FHDC1: variants seen among roughly 807,000 people sequenced by gnomAD.
FHDC1 encodes the protein FH2 domain-containing protein 1.
Under a neutral mutation model 52.6 loss-of-function variants are expected in FHDC1, and 25 were observed. That is an observed-to-expected ratio of 0.48 (90% CI 0.35 to 0.66). The LOEUF is 0.66. Among genes scored for constraint, FHDC1 ranks in the 30% least tolerant of loss-of-function variants. FHDC1 has a pLI of 0.01. For synonymous variants in FHDC1, 616 were observed against 581.5 expected (o/e 1.06, Z -0.85); for missense variants, 1,459 against 1,452.8 (o/e 1.00, Z -0.07).
At chr4:152,946,973 C>A (rs1371378838) in intron 2 of FHDC1, among the ~76,000 whole-genome samples, 1 of 152,126 alleles carries the variant, frequency 6.6e-6, no homozygotes, top group East Asian at 1.9e-4. Context: ...AATCCCAGCA[C>A]TGTGGGAGGT....
chr4:152,920,229 G>C, the FHDC1 span, among the ~76,000 whole-genome samples: 1 of 152,002 alleles, frequency 6.6e-6, no homozygotes, highest in Admixed American at 6.5e-5. Flanking sequence ...TTACATGCGT[G>C]AGCCACTGCA....
chr4:152,915,163 C>T, the FHDC1 span, among the ~76,000 whole-genome samples: 7 of 152,158 alleles, frequency 4.6e-5, no homozygotes, highest in African/African-American at 1.7e-4. Context: ...TATGACTAGA[C>T]ATTCAGCTCT....
intron 2 of FHDC1, among the ~76,000 whole-genome samples, chr4:152,950,277 C>T (rs1739884807): frequency 6.6e-6 from 1 of 152,152 alleles, no homozygotes; most frequent in Non-Finnish European, 1.5e-5. Context: ...AGTGATAACC[C>T]TCTTTAAAGG....
chr4:152,968,411 C>T (rs898771185), intron 10 of FHDC1, among the ~76,000 whole-genome samples: 7 of 151,756 alleles, frequency 4.6e-5, no homozygotes, highest in Non-Finnish European at 1.0e-4. Context: ...CTGCAACCTC[C>T]GCCTCCCTAG....
At chr4:152,957,681 G>A (rs1390904755) in intron 4 of FHDC1, among the ~76,000 whole-genome samples, 1 of 152,168 alleles carries the variant, frequency 6.6e-6, no homozygotes, top group Non-Finnish European at 1.5e-5. Flanking sequence ...TCAGCATGCT[G>A]AAAGATATAA....
At chr4:152,926,062 G>A in the FHDC1 span, among the ~76,000 whole-genome samples, 4 of 151,980 alleles carry the variant, frequency 2.6e-5, no homozygotes, top group African/African-American at 9.7e-5. Flanking sequence ...TTTTCTTTAA[G>A]GAATGCCTGT....
chr4:152,967,254 C>T (rs35953946), intron 9 of FHDC1, among the ~76,000 whole-genome samples: 16,531 of 152,174 alleles, frequency 0.11, 1,205 homozygotes, highest in Middle Eastern at 0.18. Context: ...GGCGAAACCC[C>T]GTCTCCACTA....
chr4:152,917,737 G>C, the FHDC1 span, among the ~76,000 whole-genome samples: 1 of 152,220 alleles, frequency 6.6e-6, no homozygotes, highest in South Asian at 2.1e-4. Flanking sequence ...TGACTGGTCA[G>C]CTTGCCTGTG....
chr4:152,974,881 C>T lies in FHDC1; in HGVS notation c.1590C>T (p.Ser530=). Residue 530 remains serine, a synonymous_variant, in exon 12 of 12, where the codon TCC becomes TCT. Coordinates refer to ENST00000511601, the MANE Select transcript of FHDC1 (RefSeq NM_001371116.1). ...HPRPISPSSP[S]YRPPNTRRSR... ...GGCCCATCAGCCCCTCCAGCCCCTC[C>T]TACCGGCCCCCGAACACCCGCCGCT... 1 of 1,607,856 alleles carries T rather than the reference C, an allele frequency of 6.2e-7. No individual in the cohort carries two copies. The highest frequency in any genetic ancestry group is 8.5e-7 in the Non-Finnish European group (1 of 1,178,028).
Position 152,975,941 on chromosome 4 carries a change from CA to C in FHDC1, c.2651del (p.Gln884ArgfsTer11), listed in dbSNP as rs1213362755. On this transcript the variant is annotated frameshift_variant, in exon 12 of 12. Coordinates refer to ENST00000511601, the MANE Select transcript of FHDC1 (RefSeq NM_001371116.1). LOFTEE classifies it low-confidence loss of function (END_TRUNC). The stretch of plus-strand genomic sequence containing the variant: ...CAAGCCCGGGAGCGCCCGGCGGAGC[CA>C]GGGGGCAGTGGCCAAGTCTGTGCGG... ...ASKPGSARRS[Q>X]GAVAKSVRTL... The C allele has an allele frequency of 3.3e-6, 5 of 1,514,358 alleles. No homozygotes were observed. The highest frequency in any genetic ancestry group is 8.8e-7 in the Non-Finnish European group (1 of 1,133,756). 93.8% of individuals were successfully genotyped at this position (1,514,358 alleles called of 1,614,324 possible).
chr4:152,952,534 C>T (rs914786657), intron 2 of FHDC1, among the ~76,000 whole-genome samples: 1 of 152,038 alleles, frequency 6.6e-6, no homozygotes, highest in Non-Finnish European at 1.5e-5. Flanking sequence ...AACAATACAA[C>T]AATAAAAAAT....
Position 152,979,299 on chromosome 4 carries a change from C to G in FHDC1, c.*2576C>G, listed in dbSNP as rs1340978268. The G allele has an allele frequency of 1.3e-5, 2 of 152,308 alleles. No homozygotes were observed. Among genetic ancestry groups the G allele is most frequent in the Admixed American group, 6.5e-5 (1 of 15,280 alleles). The allele number at this position is 152,308 out of a possible 1,614,324, so 9.4% of individuals were successfully genotyped here. On this transcript the variant is annotated 3_prime_UTR_variant, in exon 12 of 12. Coordinates refer to ENST00000511601, the MANE Select transcript of FHDC1 (RefSeq NM_001371116.1). ...TCCAAGTCAGGTCAATCAGCAAGGACCCATCTCTGCCCTGGGTCAGCTCCT... is the reference window on the plus strand; with the variant it reads ...TCCAAGTCAGGTCAATCAGCAAGGAGCCATCTCTGCCCTGGGTCAGCTCCT...
At chr4:152,913,672 CATTT>C in the FHDC1 span, among the ~76,000 whole-genome samples, 4 of 151,892 alleles carry the variant, frequency 2.6e-5, no homozygotes, top group Non-Finnish European at 2.9e-5. Context: ...TTTGATCACT[CATTT>C]ATTTATTTAT....
chr4:152,976,833 GGTGCCACTGCTA>G lies in FHDC1; in HGVS notation c.*114_*125del. On this transcript the variant is annotated 3_prime_UTR_variant, in exon 12 of 12. Transcript: ENST00000511601. ...CTTTGTTACAGATAAAGCAGCCACT[GGTGCCACTGCTA>G]GTGACGCTGTTGGGATGGCACAGTC... 1 of 1,353,498 alleles carries G rather than the reference GGTGCCACTGCTA, an allele frequency of 7.4e-7. No homozygotes were observed. Among genetic ancestry groups the G allele is most frequent in the Non-Finnish European group, 9.8e-7 (1 of 1,023,298 alleles). 83.8% of individuals were successfully genotyped at this position (1,353,498 alleles called of 1,614,324 possible).
intron 9 of FHDC1, among the ~76,000 whole-genome samples, chr4:152,966,770 G>A (rs1473934627): frequency 6.6e-6 from 1 of 152,050 alleles, no homozygotes; most frequent in Non-Finnish European, 1.5e-5. Context: ...CCCACATTCT[G>A]CCTATCTTGA....
chr4:152,924,677 G>A, the FHDC1 span, among the ~76,000 whole-genome samples: 35 of 152,234 alleles, frequency 2.3e-4, no homozygotes, highest in Non-Finnish European at 3.5e-4. Flanking sequence ...ATACTGTGCA[G>A]CCATAAAAAA....
chr4:152,962,883 C>T lies in FHDC1; in HGVS notation c.920C>T (p.Ala307Val). 4 of 1,612,918 alleles carry T rather than the reference C, an allele frequency of 2.5e-6. No homozygotes were observed. Among genetic ancestry groups the T allele is most frequent in the Non-Finnish European group, 3.4e-6 (4 of 1,179,648 alleles). ...LVLQAGNIMN[A>V]GGYAGNAVGF... ...CTCCAGGCTGGGAATATCATGAATG[C>T]AGTAAGTAAAATCCAAAACAATTGT... Residue 307 changes from alanine to valine, a missense_variant and splice_region_variant, in exon 7 of 12, where the codon GCA becomes GTA. Physicochemically the swap from Ala to Val is moderately conservative, Grantham distance 64. This residue lies in a region of FHDC1 where 513 missense variants were observed against 581.5 expected (regional missense o/e 0.88). Coordinates refer to ENST00000511601, the MANE Select transcript of FHDC1 (RefSeq NM_001371116.1).
At chr4:152,974,187 C>A (rs1029776696) in intron 11 of FHDC1, among the ~76,000 whole-genome samples, 9 of 152,182 alleles carry the variant, frequency 5.9e-5, no homozygotes, top group African/African-American at 2.2e-4. Flanking sequence ...CACAGAAGTA[C>A]AATTTGAGGC....
chr4:152,965,978 G>A (rs1166490436), intron 9 of FHDC1, among the ~76,000 whole-genome samples: 1 of 152,108 alleles, frequency 6.6e-6, no homozygotes, highest in Non-Finnish European at 1.5e-5. Flanking sequence ...TCCCAAAGTG[G>A]GATTATCAGT....
Sources: gnomAD v4.1 joint callset for allele counts (sites outside exome capture counted in the v4.1 genomes callset) on GRCh38, gnomAD v4.1.1 for gene constraint, gnomAD v4.1.1 regional missense constraint, MANE v1.5 for transcripts, NCBI Gene and HGNC (gene_info 2026-07-23, HGNC 2026-07-21) for gene names.